AFDN: variants seen among roughly 807,000 people sequenced by gnomAD.
The protein encoded by AFDN is afadin, adherens junction formation factor, also known as afadin.
Under a neutral mutation model 216.6 loss-of-function variants are expected in AFDN, and 68 were observed. That is an observed-to-expected ratio of 0.31 (90% CI 0.26 to 0.38). The LOEUF (loss-of-function observed/expected upper bound fraction) is 0.38, where lower values mean the gene tolerates loss of function less well. Ranked by LOEUF, AFDN falls within the 10% of genes least tolerant of loss-of-function variation. The pLI is 1.00. For synonymous variants in AFDN, 868 were observed against 853.7 expected, an observed-to-expected ratio of 1.02 and a Z score of -0.29; for missense variants, 2,136 against 2,342.0, an observed-to-expected ratio of 0.91 and a Z score of 1.82.
chr6:167,947,391 G>C (rs905116081), intron 27 of AFDN, among the ~76,000 whole-genome samples: 1 of 152,254 alleles, frequency 6.6e-6, no homozygotes, highest in East Asian at 1.9e-4. Context: ...ATGTTAGCCA[G>C]GATGGTCTCG....
intron 1 of AFDN, among the ~76,000 whole-genome samples, chr6:167,833,504 C>T (rs190499410): frequency 6.6e-6 from 1 of 152,302 alleles, no homozygotes; most frequent in Admixed American, 6.5e-5. Flanking sequence ...GAAAATCAGG[C>T]GGTTTCTGCT....
At position 167,907,215 on chromosome 6, in the gene AFDN, C is replaced by T; in HGVS notation, c.1695C>T (p.Ser565=). 2 of 1,614,184 alleles carry T rather than the reference C, an allele frequency of 1.2e-6. No individual in the cohort carries two copies. Among genetic ancestry groups the T allele is most frequent in the Middle Eastern group, 1.6e-4 (1 of 6,062 alleles). The change falls in exon 13 of 34, where the codon AGC becomes AGT. Residue 565 remains serine (S), a synonymous_variant. Coordinates refer to ENST00000683244, the MANE Select transcript of AFDN (RefSeq NM_001386888.1). ...LDSDRVSSAS[S]TAERGMVKPM... ...GCGACAGAGTGTCGTCTGCCTCTAG[C>T]ACAGCCGAGCGGGGAATGGTGAAGC...
chr6:167,826,890 G>GGGGCGCGGGCGGGT (rs1470365944), upstream of AFDN: 2 of 140,516 alleles, frequency 1.4e-5, no homozygotes, highest in Non-Finnish European at 3.2e-5. Context: ...GGGTGCGGGC[G>GGGGCGCGGGCGGGT]GCGGGCGGCG....
chr6:167,848,619 A>G (rs1781959806), intron 1 of AFDN, among the ~76,000 whole-genome samples: 2 of 152,202 alleles, frequency 1.3e-5, no homozygotes, highest in South Asian at 2.1e-4. Context: ...GAATATTTAG[A>G]TTCAGATTTT....
rs1444169396 is a variant in AFDN at position 167,970,367 on chromosome 6, G to T, written c.*432G>T. 15 of 247,504 alleles carry T rather than the reference G, an allele frequency of 6.1e-5. No homozygotes were observed. Among genetic ancestry groups the T allele is most frequent in the Non-Finnish European group, 6.9e-5 (9 of 129,634 alleles). 15.3% of individuals were successfully genotyped at this position (247,504 alleles called of 1,614,324 possible). On this transcript the variant is annotated 3_prime_UTR_variant, in exon 34 of 34. Coordinates refer to ENST00000683244, the MANE Select transcript of AFDN (RefSeq NM_001386888.1). The stretch of plus-strand genomic sequence containing the variant: ...TTAGCTGTCAAGCAGAGAATAGCTT[G>T]AACTATTCAGACTATTGTTGGCACT...
chr6:167,865,663 T>C (rs1784094556), intron 2 of AFDN, among the ~76,000 whole-genome samples: 1 of 152,190 alleles, frequency 6.6e-6, no homozygotes, highest in African/African-American at 2.4e-5. Context: ...TTTTCATTGG[T>C]GTTTTGGAAA....
intron 12 of AFDN, among the ~76,000 whole-genome samples, chr6:167,902,613 C>T (rs1247394626): frequency 4.6e-5 from 7 of 152,162 alleles, no homozygotes; most frequent in African/African-American, 1.4e-4. Flanking sequence ...CACACTAAGA[C>T]ATTAACAACA....
rs185842886 is a variant in AFDN, at chr6:167,901,840, C to T, written c.1581-477C>T. 4.2e-3 allele frequency among the ~76,000 whole-genome samples: 642 copies of T among 151,658 alleles called. 7 individuals are homozygous for T. The highest frequency in any genetic ancestry group is 0.015 in the African/African-American group (606 of 41,366). Reference sequence around the variant, plus strand: ...GGCGTGGTGGCTCATGCCTGTAATCCCCAGCACTTTGGGAGGCTGAGGTGG... The same window carrying T: ...GGCGTGGTGGCTCATGCCTGTAATCTCCAGCACTTTGGGAGGCTGAGGTGG... On this transcript the variant is annotated intron_variant, in intron 11 of 33. Coordinates refer to ENST00000683244, the MANE Select transcript of AFDN (RefSeq NM_001386888.1).
At position 167,918,776 on chromosome 6, in the gene AFDN, C is replaced by T. The variant is rs147029419; in HGVS notation, c.2751C>T (p.Ala917=). 68 of 1,613,846 alleles carry T rather than the reference C, an allele frequency of 4.2e-5. No individual in the cohort carries two copies. In the African/African-American group the frequency reaches 6.4e-4, roughly 15 times the overall value. Reference sequence around the variant, plus strand: ...TAGTGACTGTGGCTGAAAACACTGCCGATGAGCTGGCCCGCAGTGATGGAA... The same window carrying T: ...TAGTGACTGTGGCTGAAAACACTGCTGATGAGCTGGCCCGCAGTGATGGAA... The part of the protein sequence containing the change: ...ENVVTVAENT[A]DELARSDGRE... The change falls in exon 21 of 34, where the codon GCC becomes GCT. Residue 917 remains alanine, a synonymous_variant. Coordinates refer to ENST00000683244, the MANE Select transcript of AFDN (RefSeq NM_001386888.1).
intron 2 of AFDN, among the ~76,000 whole-genome samples, chr6:167,868,057 T>G (rs1380068606): frequency 6.6e-6 from 1 of 152,220 alleles, no homozygotes; most frequent in African/African-American, 2.4e-5. Context: ...TGGAACAACC[T>G]GTGCTTATCC....
At chr6:167,871,746 A>C (rs550995006) in intron 3 of AFDN, among the ~76,000 whole-genome samples, 7 of 152,298 alleles carry the variant, frequency 4.6e-5, no homozygotes, top group African/African-American at 1.7e-4. Context: ...TATTATGGCT[A>C]CTCTTAACAA....
intron 1 of AFDN, among the ~76,000 whole-genome samples, chr6:167,828,645 T>A (rs2128058216): frequency 6.6e-6 from 1 of 152,322 alleles, no homozygotes; most frequent in African/African-American, 2.4e-5. Context: ...AAAGGTGACA[T>A]GATAATTTAG....
chr6:167,832,149 C>T (rs1779899173), intron 1 of AFDN, among the ~76,000 whole-genome samples: 2 of 152,224 alleles, frequency 1.3e-5, no homozygotes, highest in Non-Finnish European at 2.9e-5. Flanking sequence ...TCAAATGTAT[C>T]TGTCTGACCT....
intron 30 of AFDN, among the ~76,000 whole-genome samples, chr6:167,958,968 G>A (rs915992443): frequency 1.3e-5 from 2 of 152,220 alleles, no homozygotes; most frequent in Non-Finnish European, 2.9e-5. Context: ...GCATCTTCAG[G>A]AAGTCTCAGT....
chr6:167,891,851 C>T (rs1787659031), intron 8 of AFDN, among the ~76,000 whole-genome samples: 1 of 151,828 alleles, frequency 6.6e-6, no homozygotes, highest in Non-Finnish European at 1.5e-5. Context: ...GGTGCACCCC[C>T]ATCCCAAGCT....
At chr6:167,860,947 A>G (rs1218749121) in intron 1 of AFDN, among the ~76,000 whole-genome samples, 3 of 152,192 alleles carry the variant, frequency 2.0e-5, no homozygotes, top group African/African-American at 7.2e-5. Context: ...GAGAAAAATA[A>G]TTAGTGTCAA....
chr6:167,935,784 T>C (rs3823456), intron 23 of AFDN, among the ~76,000 whole-genome samples: 16,113 of 152,144 alleles, frequency 0.11, 987 homozygotes, highest in South Asian at 0.22. Context: ...CTTTTCTTTT[T>C]TTTTTCTTTT....
chr6:167,891,935 A>G (rs1244710018), intron 8 of AFDN, among the ~76,000 whole-genome samples: 1 of 152,198 alleles, frequency 6.6e-6, no homozygotes, highest in African/African-American at 2.4e-5. Flanking sequence ...TGTATGATAT[A>G]TGGCTCCATG....
chr6:167,914,596 T>C (rs1790808906), intron 17 of AFDN, 48 bp from the exon 18 acceptor site: 11 of 1,318,216 alleles, frequency 8.3e-6, no homozygotes. Flanking sequence ...TGTCTGACAA[T>C]AGCTGTCTGT....
Sources: allele counts gnomAD v4.1 joint callset (sites outside exome capture counted in the v4.1 genomes callset), GRCh38; gene constraint gnomAD v4.1.1; transcripts MANE v1.5; gene names NCBI Gene and HGNC (gene_info 2026-07-23, HGNC 2026-07-21).